The following PWWP2A variants were observed in gnomAD, a reference collection of about 807,000 sequenced individuals.
PWWP2A encodes the protein PWWP domain containing 2A, also known as PWWP domain-containing protein 2A.
In PWWP2A, 18 loss-of-function variants were observed where a neutral mutation model predicts 48.5. The observed-to-expected ratio is 0.37, with a 90% confidence interval of 0.26 to 0.55. PWWP2A has a LOEUF of 0.55. Ranked by LOEUF, PWWP2A falls within the 20% of genes least tolerant of loss-of-function variation. PWWP2A has a pLI of 0.81. For synonymous variants in PWWP2A, 396 were observed against 387.7 expected (o/e 1.02, Z -0.25); for missense variants, 867 against 976.4 (o/e 0.89, Z 1.49).
At chr5:160,045,507 CACACACA>C in the PWWP2A span, among the ~76,000 whole-genome samples, 22 of 88,430 alleles carry the variant, frequency 2.5e-4, no homozygotes, top group African/African-American at 5.4e-4. Context: ...CACACACACA[CACACACA>C]TACACACTCT....
downstream of PWWP2A, among the ~76,000 whole-genome samples, chr5:160,087,870 A>G (rs1044498546): frequency 6.6e-6 from 1 of 152,206 alleles, no homozygotes; most frequent in Admixed American, 6.5e-5. Flanking sequence ...TAAGACAAAG[A>G]GTTGTTTATC....
chr5:160,072,374 T>A (rs372990282), downstream of PWWP2A, among the ~76,000 whole-genome samples: 1 of 152,166 alleles, frequency 6.6e-6, no homozygotes, highest in South Asian at 2.1e-4. Flanking sequence ...ACCAGCCAGT[T>A]CAAGAGGTAG....
rs1481621668 is a variant in PWWP2A, at chr5:160,092,856, A to G, written c.1794T>C (p.Cys598=). ...GAAAATCAAAGCTTTCAGAAGAACT[A>G]CACTCAGAGTTGGAAGATTTCAAAT... ...TDDLKSSNSE[C]SSSESFDFPP... The change falls in exon 2 of 2, where the codon TGT becomes TGC. Residue 598 remains cysteine (C), a synonymous_variant. Transcript: ENST00000307063. The G allele has an allele frequency of 1.3e-6, 2 of 1,551,620 alleles. No individual in the cohort carries two copies. Among genetic ancestry groups the G allele is most frequent in the African/African-American group, 2.7e-5 (2 of 73,070 alleles).
chr5:160,045,735 A>T, the PWWP2A span, among the ~76,000 whole-genome samples: 1 of 151,388 alleles, frequency 6.6e-6, no homozygotes, highest in African/African-American at 2.4e-5. Context: ...AACTTTTTTT[A>T]TTTTTTATTT....
chr5:160,046,373 T>G, the PWWP2A span, among the ~76,000 whole-genome samples: 20 of 152,334 alleles, frequency 1.3e-4, no homozygotes, highest in Non-Finnish European at 2.8e-4. Context: ...ATGAACTCTA[T>G]TCATTTTTTC....
At chr5:160,113,825 C>A (rs112346409) in intron 1 of PWWP2A, among the ~76,000 whole-genome samples, 1,950 of 152,294 alleles carry the variant, frequency 0.013, 48 homozygotes, top group African/African-American at 0.045. Flanking sequence ...ACATGCCATT[C>A]TTTACTTTCT....
chr5:160,047,781 C>G, the PWWP2A span, among the ~76,000 whole-genome samples: 1 of 152,186 alleles, frequency 6.6e-6, no homozygotes, highest in Non-Finnish European at 1.5e-5. Context: ...TCCTCCTTAG[C>G]CTTTCACATG....
downstream of PWWP2A, among the ~76,000 whole-genome samples, chr5:160,060,227 A>T (rs1757661057): frequency 5.9e-5 from 9 of 152,314 alleles, no homozygotes; most frequent in South Asian, 1.7e-3. Context: ...TCTTAAGGAG[A>T]TGAAAACACA....
chr5:160,050,620 A>G, the PWWP2A span, among the ~76,000 whole-genome samples: 1 of 141,576 alleles, frequency 7.1e-6, no homozygotes, highest in Non-Finnish European at 1.5e-5. Context: ...AACAGAGCCA[A>G]ACAAAACTTT....
At chr5:160,108,479 T>C (rs1757123130) in intron 1 of PWWP2A, 1 of 661,608 alleles carries the variant, frequency 1.5e-6, no homozygotes, top group Admixed American at 2.4e-5. Flanking sequence ...CATTCAAGCA[T>C]ACTACTTGAG....
chr5:160,108,951 T>A (rs1561696691), intron 1 of PWWP2A, among the ~76,000 whole-genome samples: 1 of 152,178 alleles, frequency 6.6e-6, no homozygotes, highest in Non-Finnish European at 1.5e-5. Context: ...GTGCTGGGAT[T>A]ACAGGCAAGA....
chr5:160,059,014 A>G (rs1349606079), downstream of PWWP2A, among the ~76,000 whole-genome samples: 1 of 152,222 alleles, frequency 6.6e-6, no homozygotes, highest in Non-Finnish European at 1.5e-5. Flanking sequence ...TAGATTTAGC[A>G]TCATTCTTAA....
intron 1 of PWWP2A, among the ~76,000 whole-genome samples, chr5:160,109,805 AT>A (rs1757350197): frequency 7.9e-6 from 1 of 127,020 alleles, no homozygotes; most frequent in African/African-American, 3.0e-5. Flanking sequence ...ATATATATAT[AT>A]ATAAAATAAT....
At chr5:160,073,031 A>T (rs1034329021), downstream of PWWP2A, among the ~76,000 whole-genome samples, 15 of 131,030 alleles carry the variant, frequency 1.1e-4, no homozygotes, top group Admixed American at 6.5e-4. Flanking sequence ...AAAAAAAAAA[A>T]AATCCTAACA....
At chr5:160,116,806 G>A (rs1036888842) in intron 1 of PWWP2A, 69 of 984,908 alleles carry the variant, frequency 7.0e-5, no homozygotes, top group Non-Finnish European at 8.1e-5. Context: ...ATATACATCA[G>A]TAGAGGCCGG....
downstream of PWWP2A, among the ~76,000 whole-genome samples, chr5:160,058,795 G>C (rs11135091): frequency 0.6 from 91,727 of 152,068 alleles, 27,660 homozygotes; most frequent in East Asian, 0.62. Context: ...GTTGTGTTAG[G>C]AGGTTTGAAA....
chr5:160,045,454 C>CCACACACACACA, the PWWP2A span, among the ~76,000 whole-genome samples: 51 of 38,900 alleles, frequency 1.3e-3, 3 homozygotes, highest in Non-Finnish European at 1.9e-3. Flanking sequence ...CCCCCACCCT[C>CCACACACACACA]CACACACACA....
downstream of PWWP2A, chr5:160,089,824 C>T: frequency 1.0e-6 from 1 of 985,402 alleles, no homozygotes; most frequent in Non-Finnish European, 1.2e-6. Context: ...CTGTTATCTC[C>T]ATATCAAGAA....
chr5:160,068,292 A>G (rs552011756), intron 2 of PWWP2A, among the ~76,000 whole-genome samples: 3 of 152,334 alleles, frequency 2.0e-5, no homozygotes, highest in South Asian at 2.1e-4. Flanking sequence ...TATTCCGACA[A>G]TATTGCAATG....
Sources: gnomAD v4.1 joint callset for allele counts (sites outside exome capture counted in the v4.1 genomes callset) on GRCh38, gnomAD v4.1.1 for gene constraint, MANE v1.5 for transcripts, NCBI Gene and HGNC (gene_info 2026-07-23, HGNC 2026-07-21) for gene names.